The following NME6 variants were observed in gnomAD, a reference collection of about 807,000 sequenced individuals.
NME6 encodes the protein NME/NM23 nucleoside diphosphate kinase 6.
A neutral mutation model predicts 22.2 loss-of-function variants in NME6; 16 were observed. The observed-to-expected ratio is 0.72, with a 90% confidence interval of 0.49 to 1.09. NME6 has a LOEUF of 1.09. Ranked by LOEUF, NME6 falls within the 50% of genes least tolerant of loss-of-function variation. The pLI, the probability that NME6 is intolerant of heterozygous loss-of-function variation, is 0.00. For synonymous variants in NME6, 58 were observed against 85.2 expected (o/e 0.68, Z 1.76); for missense variants, 229 against 239.0 (o/e 0.96, Z 0.28).
chr3:48,289,069 A>AT (rs35823729), downstream of NME6, among the ~76,000 whole-genome samples: 48 of 148,176 alleles, frequency 3.2e-4, no homozygotes, highest in South Asian at 1.3e-3. Flanking sequence ...TTTAAAAATA[A>AT]TTTTTTTTTT....
intron 1 of NME6, among the ~76,000 whole-genome samples, chr3:48,300,108 T>A (rs573836045): frequency 1.6e-4 from 25 of 152,354 alleles, no homozygotes; most frequent in Admixed American, 5.2e-4. Context: ...GTTTCTGTCC[T>A]GCCAACCTCT....
intron 1 of NME6, chr3:48,299,003 G>A (rs1468481390): frequency 1.4e-6 from 1 of 702,738 alleles, no homozygotes; most frequent in Admixed American, 2.0e-5. Flanking sequence ...CAGCAACTGA[G>A]GTGCTACCAG....
intron 1 of NME6, chr3:48,299,209 C>T: frequency 4.2e-6 from 2 of 476,978 alleles, no homozygotes; most frequent in African/African-American, 2.0e-5. Context: ...CACAAAGGTG[C>T]TTGATCAATT....
downstream of NME6, chr3:48,291,714 C>T (rs1411686045): frequency 6.5e-6 from 1 of 153,438 alleles, no homozygotes; most frequent in African/African-American, 2.4e-5. Context: ...GACAGGGTCT[C>T]ACTATGTTGC....
At position 48,294,217 on chromosome 3, in the gene NME6, G is replaced by A. The variant is rs748355494; in HGVS notation, c.*420C>T. 7.0e-4 allele frequency: 112 copies of A among 160,406 alleles called. No homozygotes were observed. Among genetic ancestry groups the A allele is most frequent in the Admixed American group, 1.2e-3 (20 of 16,764 alleles). 9.9% of individuals were successfully genotyped at this position (160,406 alleles called of 1,614,324 possible). ...AGCCTCTGAGTAGCTGGGATTACAG[G>A]CATGCACCACCATGCCTGGCTAATT... On this transcript the variant is annotated 3_prime_UTR_variant, in exon 6 of 6. Coordinates refer to ENST00000442597, the MANE Select transcript of NME6 (RefSeq NM_001308426.2).
chr3:48,296,243 T>C, intron 3 of NME6, 85 bp from the exon 4 acceptor site: 3 of 1,585,340 alleles, frequency 1.9e-6, no homozygotes, highest in Non-Finnish European at 2.6e-6. Flanking sequence ...TTACCTAGAA[T>C]AATAAAAATT....
chr3:48,295,339 T>C, intron 4 of NME6, 104 bp from the exon 5 acceptor site: 1 of 1,290,778 alleles, frequency 7.7e-7, no homozygotes, highest in South Asian at 1.5e-5. Context: ...CTGAGAGTTT[T>C]CCTGCCTTTC....
chr3:48,300,247 C>G (rs1206593957), intron 1 of NME6: 1 of 456,776 alleles, frequency 2.2e-6, no homozygotes, highest in South Asian at 1.5e-5. Context: ...GCCTCCCAGG[C>G]TCTGCATGAT....
At chr3:48,297,601 A>T (rs947714448) in intron 2 of NME6, 6 of 152,426 alleles carry the variant, frequency 3.9e-5, no homozygotes, top group African/African-American at 1.4e-4. Context: ...GACTGTGAAT[A>T]TGATGCAATA....
chr3:48,295,235 G>A lies in NME6; in HGVS notation c.234C>T (p.Ser78=), dbSNP rs1437793883. 1.7e-5 allele frequency: 27 copies of A among 1,611,076 alleles called. No homozygotes were observed. The highest frequency in any genetic ancestry group is 1.7e-4 in the Middle Eastern group (1 of 5,986). The part of the protein sequence containing the change: ...FYQRLVEFMA[S]GPIRAYILAH... Reference sequence around the variant, plus strand: ...CAAGGATGTAGGCTCGGATTGGCCCGCTGTGAACAAAACAAGCACATGTAA... The same window carrying A: ...CAAGGATGTAGGCTCGGATTGGCCCACTGTGAACAAAACAAGCACATGTAA... The change falls in exon 5 of 6, where the codon AGC becomes AGT. Residue 78 remains serine (S), a splice_region_variant and synonymous_variant. Transcript: ENST00000442597.
At position 48,294,634 on chromosome 3, in the gene NME6, G is replaced by A. The variant is rs74477624; in HGVS notation, c.*3C>T. ...CACTACCACTGGTCTTCATAGACCT[G>A]CATCAGGCTGGTCCTAGGCCTCCTG... On this transcript the variant is annotated 3_prime_UTR_variant, in exon 6 of 6. Coordinates refer to ENST00000442597, the MANE Select transcript of NME6 (RefSeq NM_001308426.2). The A allele has an allele frequency of 6.2e-7, 1 of 1,613,666 alleles. No homozygotes were observed. The highest frequency in any genetic ancestry group is 8.5e-7 in the Non-Finnish European group (1 of 1,179,802).
intron 2 of NME6, 21 bp from the exon 3 acceptor site, chr3:48,296,850 A>C: frequency 6.3e-7 from 1 of 1,579,128 alleles, no homozygotes; most frequent in South Asian, 1.1e-5. Flanking sequence ...ACCATCCCCA[A>C]AATAAAAATC....
chr3:48,290,380 AATG>A (rs1304720587), downstream of NME6, among the ~76,000 whole-genome samples: 1 of 152,232 alleles, frequency 6.6e-6, no homozygotes, highest in African/African-American at 2.4e-5. Flanking sequence ...TGGGTTACAA[AATG>A]ATGTCATAAT....
chr3:48,294,855 G>A, intron 5 of NME6, 52 bp from the exon 6 acceptor site: 1 of 1,584,344 alleles, frequency 6.3e-7, no homozygotes. Flanking sequence ...AGAAGCAAGA[G>A]GCAGTCATAA....
chr3:48,300,233 C>T, intron 1 of NME6: 1 of 456,700 alleles, frequency 2.2e-6, no homozygotes, highest in South Asian at 1.5e-5. Flanking sequence ...AAATCCTTAT[C>T]ACGGCCTCCC....
In NME6 at chr3:48,294,813, G is replaced by T. The variant is rs1397241507; in HGVS notation, c.395-10C>A. 2 of 1,611,246 alleles carry T rather than the reference G, an allele frequency of 1.2e-6. No individual in the cohort carries two copies. Among genetic ancestry groups the T allele is most frequent in the Non-Finnish European group, 1.7e-6 (2 of 1,177,748 alleles). On this transcript the variant is annotated splice_polypyrimidine_tract_variant and intron_variant, in intron 5 of 5. Transcript: ENST00000442597. ...GCTGAAACCACAGAGTCTGTAAGGG[G>T]AGATAAGACAGAGAAGGGGTTCTCA...
At chr3:48,296,861 A>C (rs2035162748) in intron 2 of NME6, 32 bp from the exon 3 acceptor site, 3 of 1,540,020 alleles carry the variant, frequency 1.9e-6, no homozygotes, top group African/African-American at 1.4e-5. Flanking sequence ...AATAAAAATC[A>C]ATCAGGAGAC....
chr3:48,300,257 T>A (rs1284672318), intron 1 of NME6: 4 of 456,668 alleles, frequency 8.8e-6, no homozygotes, highest in Admixed American at 4.7e-5. Flanking sequence ...CTCTGCATGA[T>A]CTTGTGGTTC....
downstream of NME6, chr3:48,291,985 T>C (rs1260094068): frequency 6.6e-6 from 1 of 152,264 alleles, no homozygotes; most frequent in Non-Finnish European, 1.5e-5. Context: ...CAGGATGGTC[T>C]CGATCTCCTG....
Sources: gnomAD v4.1 joint callset for allele counts (sites outside exome capture counted in the v4.1 genomes callset) on GRCh38, gnomAD v4.1.1 for gene constraint, MANE v1.5 for transcripts, NCBI Gene and HGNC (gene_info 2026-07-23, HGNC 2026-07-21) for gene names.